The following BEND3 variants were observed in gnomAD, a reference collection of about 807,000 sequenced individuals.
The protein encoded by BEND3 is BEN domain containing 3.
BEND3 carries 13 observed loss-of-function variants against 60.1 expected under a neutral mutation model. That is an observed-to-expected ratio of 0.22 (90% CI 0.14 to 0.34). The LOEUF is 0.34. BEND3 is among the 10% of genes least tolerant of loss of function. BEND3 has a pLI of 1.00. For synonymous variants in BEND3, 497 were observed against 491.5 expected, an observed-to-expected ratio of 1.01 and a Z score of -0.15; for missense variants, 896 against 1,138.1, an observed-to-expected ratio of 0.79 and a Z score of 3.06.
At chr6:107,087,776 C>T (rs1309048460) in intron 3 of BEND3, among the ~76,000 whole-genome samples, 1 of 144,886 alleles carries the variant, frequency 6.9e-6, no homozygotes, top group Admixed American at 7.2e-5. Flanking sequence ...GGTCAATGGA[C>T]ACACAAATGA....
chr6:107,086,473 T>C (rs1775350859), intron 3 of BEND3, among the ~76,000 whole-genome samples: 1 of 150,038 alleles, frequency 6.7e-6, no homozygotes, highest in South Asian at 2.1e-4. Context: ...CAATTAGCCG[T>C]GCATGGTGGC....
intron 1 of BEND3, among the ~76,000 whole-genome samples, chr6:107,113,144 G>A (rs373091505): frequency 3.4e-4 from 50 of 145,312 alleles, no homozygotes; most frequent in African/African-American, 1.2e-3. Flanking sequence ...GTGATAGAGC[G>A]AGACTCTGTC....
intron 1 of BEND3, among the ~76,000 whole-genome samples, chr6:107,113,531 G>A (rs1770172517): frequency 6.6e-6 from 1 of 150,912 alleles, no homozygotes; most frequent in Admixed American, 6.6e-5. Flanking sequence ...AGCTAACCCA[G>A]CAGCAGCAAC....
chr6:107,073,492 T>C (rs1775035922), intron 3 of BEND3, among the ~76,000 whole-genome samples: 1 of 151,574 alleles, frequency 6.6e-6, no homozygotes. Context: ...TGTTCCTGAG[T>C]CTATCCCCAG....
chr6:107,073,480 G>A lies in BEND3; in HGVS notation c.241-2530C>T, dbSNP rs78203349. Among the ~76,000 whole-genome samples, 8 of 151,988 alleles carry A rather than the reference G, an allele frequency of 5.3e-5. No individual in the cohort carries two copies. The East Asian group carries it at 5.8e-4, about 11-fold the overall frequency. On this transcript the variant is annotated intron_variant, in intron 3 of 3. Transcript: ENST00000369042. ...CATGATGGTTGTGCGATGGGACCAC[G>A]TTGTTCCTGAGTCTATCCCCAGTGC...
intron 3 of BEND3, 115 bp downstream of exon 3, chr6:107,098,436 T>A (rs1428532041): frequency 9.4e-7 from 1 of 1,061,998 alleles, no homozygotes; most frequent in Non-Finnish European, 1.4e-6. Context: ...AAATGAAACC[T>A]TCCCATGCCC....
chr6:107,081,306 C>T (rs1220277420), intron 3 of BEND3, among the ~76,000 whole-genome samples: 1 of 151,692 alleles, frequency 6.6e-6, no homozygotes, highest in Non-Finnish European at 1.5e-5. Flanking sequence ...CTACAACCTC[C>T]ACCTCCCAGG....
At chr6:107,085,207 C>A (rs1392970140) in intron 3 of BEND3, among the ~76,000 whole-genome samples, 1 of 152,202 alleles carries the variant, frequency 6.6e-6, no homozygotes, top group African/African-American at 2.4e-5. Context: ...GAACTCCCAA[C>A]ACATCTGAAC....
chr6:107,088,757 A>G (rs1226858780), intron 3 of BEND3, among the ~76,000 whole-genome samples: 1 of 152,250 alleles, frequency 6.6e-6, no homozygotes, highest in Non-Finnish European at 1.5e-5. Flanking sequence ...GAGTATTTCT[A>G]TGTGCCAAAA....
At chr6:107,112,480 A>G (rs1317490809) in intron 1 of BEND3, among the ~76,000 whole-genome samples, 4 of 152,144 alleles carry the variant, frequency 2.6e-5, no homozygotes, top group Non-Finnish European at 5.9e-5. Flanking sequence ...CTGGGCATGG[A>G]GAAGGTAGGC....
At chr6:107,113,166 AG>A (rs1770156144) in intron 1 of BEND3, among the ~76,000 whole-genome samples, 1 of 146,344 alleles carries the variant, frequency 6.8e-6, no homozygotes, top group Non-Finnish European at 1.5e-5. Flanking sequence ...AAAAAAAAAA[AG>A]CACGGTGGCT....
chr6:107,081,347 AG>A (rs1411706373), intron 3 of BEND3, among the ~76,000 whole-genome samples: 6 of 151,398 alleles, frequency 4.0e-5, no homozygotes, highest in Non-Finnish European at 7.4e-5. Flanking sequence ...TAGCCTTCCG[AG>A]TAACTGGGAT....
At position 107,104,100 on chromosome 6, in the gene BEND3, C is replaced by T. The variant is rs536069879; in HGVS notation, c.-11-4804G>A. Among the ~76,000 whole-genome samples, 28 of 151,482 alleles carry T rather than the reference C, an allele frequency of 1.8e-4. No individual in the cohort carries two copies. The South Asian group carries it at 5.0e-3, about 27-fold the overall frequency. ...GAGATGGAGACCATCCTGGCTAACA[C>T]GGTGAAACCCCATCTCTACTAAAAA... On this transcript the variant is annotated intron_variant, in intron 1 of 3. Transcript: ENST00000369042.
At position 107,067,242 on chromosome 6, in the gene BEND3, AG is replaced by A. The variant is rs1431538647; in HGVS notation, c.*1461del. Reference sequence around the variant, plus strand: ...GTAGCAAAATATTAAGCCATCCCACAGGGGTTCTATGACTACCCTGTGTGAT... The same window carrying A: ...GTAGCAAAATATTAAGCCATCCCACAGGGTTCTATGACTACCCTGTGTGAT... On this transcript the variant is annotated 3_prime_UTR_variant, in exon 4 of 4. Coordinates refer to ENST00000369042, the MANE Select transcript of BEND3 (RefSeq NM_001367314.1). 1.3e-5 allele frequency: 2 copies of A among 152,232 alleles called. No homozygotes were observed. Among genetic ancestry groups the A allele is most frequent in the Non-Finnish European group, 2.9e-5 (2 of 68,042 alleles). 9.4% of individuals were successfully genotyped at this position (152,232 alleles called of 1,614,324 possible).
At position 107,095,184 on chromosome 6, in the gene BEND3, T is replaced by C. The variant is rs146361378; in HGVS notation, c.240+3367A>G. On this transcript the variant is annotated intron_variant, in intron 3 of 3. Transcript: ENST00000369042. ...GAGAACCTGTCTCAAACAACAACAA[T>C]AACATAAACAAAAACACAACTGCTG... Among the ~76,000 whole-genome samples the C allele has an allele frequency of 2.3e-3, 342 of 151,792 alleles. 2 individuals carry two copies. Among genetic ancestry groups the C allele is most frequent in the African/African-American group, 8.0e-3 (332 of 41,404 alleles).
intron 3 of BEND3, among the ~76,000 whole-genome samples, chr6:107,090,919 G>C (rs1006887088): frequency 6.6e-6 from 1 of 152,062 alleles, no homozygotes; most frequent in Non-Finnish European, 1.5e-5. Context: ...AGATCAGCCT[G>C]GTCAACATGG....
chr6:107,084,395 T>A (rs1395916906), intron 3 of BEND3, among the ~76,000 whole-genome samples: 1 of 152,250 alleles, frequency 6.6e-6, no homozygotes, highest in Admixed American at 6.5e-5. Context: ...CTTTTCTGTC[T>A]AGCTAGAGGA....
chr6:107,092,355 C>T (rs1173935674), intron 3 of BEND3, among the ~76,000 whole-genome samples: 5 of 152,078 alleles, frequency 3.3e-5, no homozygotes, highest in African/African-American at 9.7e-5. Context: ...TCCACCACAG[C>T]AACAGGGTAA....
chr6:107,070,008 G>C lies in BEND3; in HGVS notation c.1183C>G (p.Gln395Glu), dbSNP rs1774932791. The C allele has an allele frequency of 6.2e-7, 1 of 1,613,636 alleles. No homozygotes were observed. The highest frequency in any genetic ancestry group is 1.3e-5 in the African/African-American group (1 of 74,878). Residue 395 changes from glutamine to glutamate, a missense_variant, in exon 4 of 4, where the codon CAG (glutamine) becomes GAG (glutamate). Gln to Glu is a conservative substitution (Grantham distance 29, BLOSUM62 2). Around this residue, in one of 4 missense-constraint regions of BEND3, gnomAD observed 846 missense variants for 1,036.7 expected, o/e 0.82. Transcript: ENST00000369042. This position sits in a 1 kb window ranked among gnomAD's most constrained non-coding sequence, Gnocchi z 6.9. ...TCGTCCAGGAACTCAGTGAGGTCCT[G>C]CGTGTCCACCACGTGGTCTGAGGCG... ...TIASDHVVDT[Q>E]DLTEFLDEAS...
Sources: gnomAD v4.1 joint callset for allele counts (sites outside exome capture counted in the v4.1 genomes callset) on GRCh38, gnomAD v4.1.1 for gene constraint, gnomAD v4.1.1 regional missense constraint, Gnocchi (gnomAD v3.1) non-coding constraint, MANE v1.5 for transcripts, NCBI Gene and HGNC (gene_info 2026-07-23, HGNC 2026-07-21) for gene names.